Variants in LRRC59 observed in about 807,000 individuals in gnomAD.
The protein encoded by LRRC59 is leucine rich repeat containing 59, also known as leucine-rich repeat-containing protein 59.
Under a neutral mutation model 33.5 loss-of-function variants are expected in LRRC59, and 18 were observed. The ratio of observed to expected loss-of-function variants is 0.54; its 90% confidence interval spans 0.37 to 0.80. LRRC59 has a LOEUF of 0.80. LRRC59 is among the 30% of genes least tolerant of loss of function. The pLI, the probability that LRRC59 is intolerant of heterozygous loss-of-function variation, is 0.00. For synonymous variants in LRRC59, 138 were observed against 160.0 expected (o/e 0.86, Z 1.04); for missense variants, 330 against 391.9 (o/e 0.84, Z 1.33).
intron 4 of LRRC59, among the ~76,000 whole-genome samples, chr17:50,392,002 C>G (rs1233156762): frequency 6.6e-6 from 1 of 152,164 alleles, no homozygotes; most frequent in Non-Finnish European, 1.5e-5. Flanking sequence ...AGTTGGAGAC[C>G]AGCCTGGCCA....
At chr17:50,390,396 G>T (rs1006325738) in intron 4 of LRRC59, among the ~76,000 whole-genome samples, 1 of 151,866 alleles carries the variant, frequency 6.6e-6, no homozygotes. Flanking sequence ...GGAAGCTGAG[G>T]TGGGAGAACT....
chr17:50,396,541 A>C (rs1218601830), intron 1 of LRRC59: 2 of 152,200 alleles, frequency 1.3e-5, no homozygotes, highest in Admixed American at 1.3e-4. Flanking sequence ...TGGGAGGGGG[A>C]ACGGAGTGGG....
chr17:50,396,672 C>A (rs113289740), intron 1 of LRRC59: 1,759 of 154,718 alleles, frequency 0.011, 46 homozygotes, highest in African/African-American at 0.04. Flanking sequence ...AAAGGGACTC[C>A]CGCCAGTTTC....
rs1461753923 is a variant in LRRC59 at position 50,382,490 on chromosome 17, C to CT, written c.*497dup. ...TGTGGCTGCTAAAATGCTTACATCT[C>CT]TGAGGTCCTAAAGAAAACAGGAATA... is the stretch of plus-strand genomic sequence containing the variant. On this transcript the variant is annotated 3_prime_UTR_variant, in exon 7 of 7. Transcript: ENST00000225972. The CT allele has an allele frequency of 1.3e-5, 2 of 158,162 alleles. No homozygotes were observed. The highest frequency in any genetic ancestry group is 2.8e-5 in the Non-Finnish European group (2 of 71,272). 9.8% of individuals were successfully genotyped at this position (158,162 alleles called of 1,614,324 possible).
In LRRC59 at chr17:50,388,091, C is replaced by G. The variant is rs1378526166; in HGVS notation, c.471G>C (p.Arg157=). ...HMKAVQADQE[R]ERQRRLEVER... is the part of the protein sequence containing the mutation. ...CTACTTCCAGCCGCCGCTGCCTCTC[C>G]CGCTCCTGATCTGCCTGCACGGCCT... The change falls in exon 5 of 7, where the codon CGG becomes CGC. Residue 157 remains arginine (R), a synonymous_variant. Coordinates refer to ENST00000225972, the MANE Select transcript of LRRC59 (RefSeq NM_018509.4). 6.2e-7 allele frequency: 1 copy of G among 1,614,234 alleles called. No individual in the cohort carries two copies. The highest frequency in any genetic ancestry group is 2.2e-5 in the East Asian group (1 of 44,886).
At chr17:50,387,070 A>G (rs1914021468) in intron 5 of LRRC59, among the ~76,000 whole-genome samples, 1 of 152,140 alleles carries the variant, frequency 6.6e-6, no homozygotes, top group African/African-American at 2.4e-5. Flanking sequence ...GTGAGCCGAG[A>G]TCGTGCCACC....
rs1913853902 is a variant in LRRC59 at position 50,381,705 on chromosome 17, C to T, written c.*1283G>A. The T allele has an allele frequency of 6.6e-6, 1 of 152,658 alleles. No homozygotes were observed. The highest frequency in any genetic ancestry group is 1.5e-5 in the Non-Finnish European group (1 of 68,052). 9.5% of individuals were successfully genotyped at this position (152,658 alleles called of 1,614,324 possible). ...CAACTGGGAGTTTGCAGTGAATGAG[C>T]ACCATGACACAGTCATTTCTGATCC... On this transcript the variant is annotated 3_prime_UTR_variant, in exon 7 of 7. Transcript: ENST00000225972.
Position 50,388,450 on chromosome 17 carries a change from A to G in LRRC59, c.430-318T>C, listed in dbSNP as rs575251572. ...CAGCTACTTAGGAGGCCAAGGAGAG[A>G]GGATTACTTGAACCCAGAAGGTCAA... is the stretch of plus-strand genomic sequence containing the variant. On this transcript the variant is annotated intron_variant, in intron 4 of 6. Transcript: ENST00000225972. 4.6e-5 allele frequency among the ~76,000 whole-genome samples: 7 copies of G among 152,266 alleles called. No individual in the cohort carries two copies. In the East Asian group the frequency reaches 1.4e-3, roughly 29 times the overall value.
intron 6 of LRRC59, 50 bp downstream of exon 6, chr17:50,385,068 G>A (rs1310846764): frequency 6.3e-7 from 1 of 1,578,924 alleles, no homozygotes; most frequent in South Asian, 1.1e-5. Flanking sequence ...GGAAACATGA[G>A]TGTCTCCACT....
At position 50,382,774 on chromosome 17, in the gene LRRC59, G is replaced by GCCCCCCCCCCCCCC; in HGVS notation, c.*213_*214insGGGGGGGGGGGGGG. The stretch of plus-strand genomic sequence containing the variant: ...AGGCATGCAGGTAACTGCCCCCCAC[G>GCCCCCCCCCCCCCC]CCCCCCCGCCACCTCCCATTTCTCC... On this transcript the variant is annotated 3_prime_UTR_variant, in exon 7 of 7. Transcript: ENST00000225972. The GCCCCCCCCCCCCCC allele has an allele frequency of 5.2e-6, 1 of 190,916 alleles. No homozygotes were observed. Among genetic ancestry groups the GCCCCCCCCCCCCCC allele is most frequent in the Non-Finnish European group, 9.2e-6 (1 of 109,130 alleles). The allele number at this position is 190,916 out of a possible 1,614,324, so 11.8% of individuals were successfully genotyped here.
chr17:50,385,198 C>T lies in LRRC59; in HGVS notation c.596G>A (p.Arg199Gln), dbSNP rs751372015. 8.7e-6 allele frequency: 14 copies of T among 1,614,162 alleles called. No homozygotes were observed. The East Asian group carries it at 8.9e-5, about 10-fold the overall frequency. Residue 199 changes from arginine to glutamine, a missense_variant, in exon 6 of 7, where the codon CGG becomes CAG. By Grantham distance (43) the Arg-to-Gln change is conservative. Transcript: ENST00000225972. ...TTTGAGGGCATCATACTCCTTTCTCCGGCGCTCCTTCTCTTCCGCCTTCTC... is the reference window on the plus strand; with the variant it reads ...TTTGAGGGCATCATACTCCTTTCTCTGGCGCTCCTTCTCTTCCGCCTTCTC... The part of the protein sequence containing the change: ...KREKAEEKER[R>Q]RKEYDALKAA...
chr17:50,389,719 C>T (rs1485263802), intron 4 of LRRC59, among the ~76,000 whole-genome samples: 2 of 152,140 alleles, frequency 1.3e-5, no homozygotes, highest in Non-Finnish European at 2.9e-5. Flanking sequence ...TTCTAGAAAA[C>T]TCCAGACACG....
At chr17:50,383,492 C>G (rs1398343333) in intron 6 of LRRC59, among the ~76,000 whole-genome samples, 1 of 152,154 alleles carries the variant, frequency 6.6e-6, no homozygotes, top group African/African-American at 2.4e-5. Context: ...GTCCTAAGTT[C>G]TCCTTGGTAA....
intron 4 of LRRC59, among the ~76,000 whole-genome samples, chr17:50,390,112 A>AG (rs796112573): frequency 2.0e-5 from 3 of 151,146 alleles, no homozygotes; most frequent in South Asian, 2.1e-4. Context: ...AAAAAAAAAA[A>AG]AAAAGAAAAA....
intron 2 of LRRC59, 64 bp downstream of exon 2, chr17:50,394,865 C>T (rs1199423519): frequency 8.1e-7 from 1 of 1,234,394 alleles, no homozygotes. Flanking sequence ...CCTCTCAACC[C>T]CCGAAACAGG....
At position 50,392,914 on chromosome 17, in the gene LRRC59, G is replaced by A; in HGVS notation, c.166-17C>T. 1.2e-6 allele frequency: 2 copies of A among 1,609,628 alleles called. No individual in the cohort carries two copies. The highest frequency in any genetic ancestry group is 1.7e-6 in the Non-Finnish European group (2 of 1,176,200). On this transcript the variant is annotated splice_polypyrimidine_tract_variant and intron_variant, in intron 2 of 6. Coordinates refer to ENST00000225972, the MANE Select transcript of LRRC59 (RefSeq NM_018509.4). ...GAAATCCGACTAGGATCCAAAGAGA[G>A]AACCTAAGCTAGGCTTGTCCAACAC...
At chr17:50,384,209 T>A (rs1284645292) in intron 6 of LRRC59, among the ~76,000 whole-genome samples, 3 of 151,974 alleles carry the variant, frequency 2.0e-5, no homozygotes, top group Admixed American at 6.5e-5. Flanking sequence ...GCCAAATGAC[T>A]CCTCTAGTGT....
chr17:50,383,219 G>C lies in LRRC59; in HGVS notation c.693C>G (p.Ser231=). The part of the protein sequence containing the change: ...ANQAPKSKSG[S]RPRKPPPRKH... ...TCCGGGGTGGTGGCTTGCGGGGACG[G>C]GAGCCAGACTTAGATTCTGGAGGAA... Residue 231 remains serine (S), a synonymous_variant, in exon 7 of 7, where the codon TCC becomes TCG. Transcript: ENST00000225972. The C allele has an allele frequency of 6.4e-7, 1 of 1,552,522 alleles. No individual in the cohort carries two copies. The highest frequency in any genetic ancestry group is 1.2e-5 in the South Asian group (1 of 84,132).
Position 50,392,792 on chromosome 17 carries a change from C to T in LRRC59, c.271G>A (p.Asp91Asn). ...FGRLVNLQHL[D>N]LLNNKLVTLP... ...GTGACCAGCTTGTTGTTGAGGAGAT[C>T]CAGGTGCTGGAGGTTGACCAGACGG... The change falls in exon 3 of 7, where the codon GAT becomes AAT. Residue 91 changes from aspartate (D) to asparagine (N), a missense_variant. Physicochemically the swap from Asp to Asn is conservative, Grantham distance 23. Coordinates refer to ENST00000225972, the MANE Select transcript of LRRC59 (RefSeq NM_018509.4). 1 of 1,614,138 alleles carries T rather than the reference C, an allele frequency of 6.2e-7. No homozygotes were observed. Among genetic ancestry groups the T allele is most frequent in the South Asian group, 1.1e-5 (1 of 91,082 alleles).
Sources: gnomAD v4.1 joint callset for allele counts (sites outside exome capture counted in the v4.1 genomes callset) on GRCh38, gnomAD v4.1.1 for gene constraint, MANE v1.5 for transcripts, NCBI Gene and HGNC (gene_info 2026-07-23, HGNC 2026-07-21) for gene names.